CIITA: variants seen among roughly 807,000 people sequenced by gnomAD.
CIITA encodes the protein MHC class II transactivator.
In CIITA, 72 loss-of-function variants were observed where a neutral mutation model predicts 115.1. That is an observed-to-expected ratio of 0.63 (90% CI 0.52 to 0.76). CIITA has a LOEUF of 0.76. CIITA is among the 30% of genes least tolerant of loss of function. The probability of loss-of-function intolerance (pLI) is 0.00; values close to 1 mark genes in which losing one functional copy is unlikely to be tolerated. For synonymous variants in CIITA, 763 were observed against 635.6 expected (o/e 1.20, Z -3.02); for missense variants, 1,617 against 1,463.8 (o/e 1.10, Z -1.71).
Position 10,906,689 on chromosome 16 carries a change from G to A in CIITA, c.1197G>A (p.Glu399=). ...AGCTGGCCCAAGGAGGCCTGGCTGA[G>A]GTGCTGTTGGCTGCCAAGGAGCACC... ...ERQLAQGGLA[E]VLLAAKEHRR... is the part of the protein sequence containing the mutation. Residue 399 remains glutamate, a synonymous_variant, in exon 11 of 20, where the codon GAG becomes GAA. Coordinates refer to ENST00000324288, the MANE Select transcript of CIITA (RefSeq NM_000246.4). 6.2e-7 allele frequency: 1 copy of A among 1,613,066 alleles called. No homozygotes were observed. The highest frequency in any genetic ancestry group is 2.2e-5 in the East Asian group (1 of 44,888).
Position 10,942,235 on chromosome 16 carries a change from G to A in CIITA, n.1361G>A. 1 of 376,086 alleles carries A rather than the reference G, an allele frequency of 2.7e-6. No individual in the cohort carries two copies. The highest frequency in any genetic ancestry group is 4.7e-6 in the Non-Finnish European group (1 of 210,802). The allele number at this position is 376,086 out of a possible 1,614,324, so 23.3% of individuals were successfully genotyped here. On this transcript the variant is annotated non_coding_transcript_exon_variant, in exon 2 of 2. Coordinates refer to the CIITA transcript ENST00000573379. The surrounding 1 kb of genome is among the most constrained non-coding windows in gnomAD (Gnocchi z 5.0). ...CCAAGGATCTCTCGACCGCCCGGGCGGCGAGGCGGGCCCCCCTGAAGTGGC... is the reference window on the plus strand; with the variant it reads ...CCAAGGATCTCTCGACCGCCCGGGCAGCGAGGCGGGCCCCCCTGAAGTGGC...
intron 1 of CIITA, 50 bp downstream of exon 1, chr16:10,877,432 C>T (rs749500512): frequency 1.3e-6 from 2 of 1,561,106 alleles, no homozygotes; most frequent in East Asian, 2.3e-5. Context: ...CTCAGCTGGT[C>T]CTGCCATTCC....
chr16:10,899,106 T>C (rs906346559), intron 5 of CIITA, 104 bp downstream of exon 5: 1 of 1,121,892 alleles, frequency 8.9e-7, no homozygotes, highest in African/African-American at 1.5e-5. Context: ...CGCTAAGTCC[T>C]GTCTGGTTGG....
intron 1 of CIITA, among the ~76,000 whole-genome samples, chr16:10,871,994 C>T (rs1237372012): frequency 2.0e-5 from 3 of 152,224 alleles, no homozygotes; most frequent in African/African-American, 7.2e-5. Flanking sequence ...AGTTCACCTG[C>T]GTTCCTTACT....
chr16:10,903,058 G>C (rs747639954), intron 8 of CIITA, among the ~76,000 whole-genome samples: 1 of 152,164 alleles, frequency 6.6e-6, no homozygotes, highest in Non-Finnish European at 1.5e-5. Context: ...CTGACCCTTA[G>C]TTTTTCCTTA....
intron 1 of CIITA, among the ~76,000 whole-genome samples, chr16:10,870,605 C>A (rs186108291): frequency 6.6e-6 from 1 of 152,346 alleles, no homozygotes; most frequent in African/African-American, 2.4e-5. Flanking sequence ...AAGAACCAGG[C>A]TGGAGGCTGG....
chr16:10,941,961 G>A lies in CIITA; in HGVS notation n.1087G>A, dbSNP rs2041108802. The A allele has an allele frequency of 9.0e-6, 14 of 1,563,154 alleles. No homozygotes were observed. The highest frequency in any genetic ancestry group is 1.2e-5 in the Non-Finnish European group (14 of 1,155,156). ...GCGGCGGCGGCACGTAGGGGACCAGGGGGCCCAGTGCGTCCAGGTGGGCCG... is the reference window on the plus strand; with the variant it reads ...GCGGCGGCGGCACGTAGGGGACCAGAGGGCCCAGTGCGTCCAGGTGGGCCG... On this transcript the variant is annotated non_coding_transcript_exon_variant, in exon 2 of 2. Transcript: ENST00000573379. This position sits in a 1 kb window ranked among gnomAD's most constrained non-coding sequence, Gnocchi z 6.4.
chr16:10,915,561 G>T lies in CIITA; in HGVS notation c.2889-9G>T, dbSNP rs1021930842. 6.2e-7 allele frequency: 1 copy of T among 1,612,956 alleles called. No individual in the cohort carries two copies. The highest frequency in any genetic ancestry group is 8.5e-7 in the Non-Finnish European group (1 of 1,179,020). On this transcript the variant is annotated splice_polypyrimidine_tract_variant and intron_variant, in intron 13 of 19. Coordinates refer to ENST00000324288, the MANE Select transcript of CIITA (RefSeq NM_000246.4). Reference sequence around the variant, plus strand: ...ACTGGAGGTCTTACCCTTGCTCTTTGCCTCCTAGGCTGGGCCCTGTCTCAG... The same window carrying T: ...ACTGGAGGTCTTACCCTTGCTCTTTTCCTCCTAGGCTGGGCCCTGTCTCAG...
intron 1 of CIITA, chr16:10,878,866 G>A (rs1596420496): frequency 4.4e-6 from 1 of 229,570 alleles, no homozygotes; most frequent in Non-Finnish European, 8.6e-6. Context: ...GTGCTTGGTT[G>A]CTCCACAGCC....
chr16:10,896,580 G>C (rs1567393069), intron 3 of CIITA, among the ~76,000 whole-genome samples: 1 of 152,176 alleles, frequency 6.6e-6, no homozygotes, highest in Non-Finnish European at 1.5e-5. Context: ...ACCTCATACA[G>C]AGCCTATGTT....
chr16:10,866,577 G>T, intron 1 of CIITA: 1 of 531,652 alleles, frequency 1.9e-6, no homozygotes, highest in Non-Finnish European at 3.7e-6. Flanking sequence ...ATGGTGGTAA[G>T]TTGGCATCAC....
Position 10,942,032 on chromosome 16 carries a change from G to T in CIITA, n.1158G>T. 1 of 1,372,786 alleles carries T rather than the reference G, an allele frequency of 7.3e-7. No individual in the cohort carries two copies. Among genetic ancestry groups the T allele is most frequent in the Non-Finnish European group, 9.4e-7 (1 of 1,065,020 alleles). The allele number at this position is 1,372,786 out of a possible 1,614,324, so 85.0% of individuals were successfully genotyped here. ...CAGCGGGTGGCAAGGGCGGCGGCCC[G>T]GCGATCCCGGCGAACTCAGCCGCTG... On this transcript the variant is annotated non_coding_transcript_exon_variant, in exon 2 of 2. Coordinates refer to the CIITA transcript ENST00000573379. This position sits in a 1 kb window ranked among gnomAD's most constrained non-coding sequence, Gnocchi z 5.0.
At chr16:10,905,225 G>A (rs1185275589) in intron 10 of CIITA, among the ~76,000 whole-genome samples, 1 of 152,152 alleles carries the variant, frequency 6.6e-6, no homozygotes, top group African/African-American at 2.4e-5. Context: ...AAGCATGTTA[G>A]GTATGCTAAA....
chr16:10,867,384 G>A (rs1409657541), intron 1 of CIITA, among the ~76,000 whole-genome samples: 1 of 151,766 alleles, frequency 6.6e-6, no homozygotes, highest in African/African-American at 2.4e-5. Flanking sequence ...GTGTCTGTGT[G>A]ACACACAGAG....
At chr16:10,912,545 T>TC (rs1348866991) in intron 13 of CIITA, among the ~76,000 whole-genome samples, 1 of 152,100 alleles carries the variant, frequency 6.6e-6, no homozygotes, top group Non-Finnish European at 1.5e-5. Context: ...TTGCCCGTGG[T>TC]CCCCCAGCTG....
At chr16:10,915,284 A>T (rs997526510) in intron 13 of CIITA, among the ~76,000 whole-genome samples, 1 of 152,060 alleles carries the variant, frequency 6.6e-6, no homozygotes, top group African/African-American at 2.4e-5. Flanking sequence ...TCCTGGGCTC[A>T]AGCAGTCCTC....
chr16:10,867,762 T>G (rs919664010), intron 1 of CIITA, among the ~76,000 whole-genome samples: 1 of 152,060 alleles, frequency 6.6e-6, no homozygotes, highest in African/African-American at 2.4e-5. Context: ...GTCACAACTT[T>G]CTTTCTTTTT....
Position 10,879,457 on chromosome 16 carries a change from G to A in CIITA, c.52+2075G>A, listed in dbSNP as rs568553236. 6.6e-6 allele frequency among the ~76,000 whole-genome samples: 1 copy of A among 152,346 alleles called. No homozygotes were observed. The highest frequency in any genetic ancestry group is 2.4e-5 in the African/African-American group (1 of 41,582). On this transcript the variant is annotated intron_variant, in intron 1 of 19. Coordinates refer to ENST00000324288, the MANE Select transcript of CIITA (RefSeq NM_000246.4). This position sits in a 1 kb window ranked among gnomAD's most constrained non-coding sequence, Gnocchi z 4.3. ...TTGGACCAGGGCCGCCGTTCCCTGA[G>A]CTTCACTTTCCCTGTTGGGTCATAT...
upstream of CIITA, among the ~76,000 whole-genome samples, chr16:10,873,574 G>A (rs2035628190): frequency 6.6e-6 from 1 of 152,228 alleles, no homozygotes. Context: ...CAAGCTCCCA[G>A]CATTCTTCCT....
Sources: allele counts gnomAD v4.1 joint callset (sites outside exome capture counted in the v4.1 genomes callset), GRCh38; gene constraint gnomAD v4.1.1; non-coding constraint Gnocchi (gnomAD v3.1); transcripts MANE v1.5; gene names NCBI Gene and HGNC (gene_info 2026-07-23, HGNC 2026-07-21).